ETV5: variants seen among roughly 807,000 people sequenced by gnomAD.
ETV5 encodes ETS translocation variant 5.
In ETV5, 10 loss-of-function variants were observed where a neutral mutation model predicts 70.0. That is an observed-to-expected ratio of 0.14 (90% CI 0.09 to 0.24). ETV5 has a LOEUF of 0.24. Ranked by LOEUF, ETV5 falls within the 10% of genes least tolerant of loss-of-function variation. The pLI, the probability that ETV5 is intolerant of heterozygous loss-of-function variation, is 1.00. For synonymous variants in ETV5, 216 were observed against 242.2 expected (o/e 0.89, Z 1.01); for missense variants, 453 against 651.2 (o/e 0.70, Z 3.31).
At chr3:186,079,079 C>G (rs1713867752) in intron 7 of ETV5, 2 of 1,064,808 alleles carry the variant, frequency 1.9e-6, no homozygotes, top group Non-Finnish European at 1.1e-6. Flanking sequence ...ACAACTACCC[C>G]CCTATCCCAG....
intron 12 of ETV5, among the ~76,000 whole-genome samples, chr3:186,050,537 C>G (rs973658901): frequency 6.6e-6 from 1 of 151,968 alleles, no homozygotes; most frequent in Non-Finnish European, 1.5e-5. Context: ...ATGGGTATGG[C>G]GTTTCTTTTT....
intron 5 of ETV5, among the ~76,000 whole-genome samples, chr3:186,089,467 GC>G (rs1714130690): frequency 6.6e-6 from 1 of 152,092 alleles, no homozygotes; most frequent in Admixed American, 6.5e-5. Context: ...CGTTTAATGA[GC>G]CCCCCAAAAG....
intron 9 of ETV5, among the ~76,000 whole-genome samples, chr3:186,062,871 G>A (rs1388334129): frequency 6.6e-6 from 1 of 152,098 alleles, no homozygotes; most frequent in East Asian, 1.9e-4. Context: ...GGTTATCTCT[G>A]GGCAGTGAGA....
chr3:186,080,504 G>C (rs2150149455), intron 6 of ETV5: 1 of 236,682 alleles, frequency 4.2e-6, no homozygotes, highest in South Asian at 1.8e-4. Context: ...TGTGTTGAAG[G>C]TCTGTTTGTG....
rs1385953049 is a variant in ETV5 at position 186,105,575 on chromosome 3, T to C, written c.133+50A>G. 6.2e-7 allele frequency: 1 copy of C among 1,612,058 alleles called. No individual in the cohort carries two copies. Among genetic ancestry groups the C allele is most frequent in the Non-Finnish European group, 8.5e-7 (1 of 1,178,062 alleles). On this transcript the variant is annotated intron_variant, in intron 3 of 12. Coordinates refer to ENST00000306376, the MANE Select transcript of ETV5 (RefSeq NM_004454.3). The surrounding 1 kb of genome is among the most constrained non-coding windows in gnomAD (Gnocchi z 4.5). The stretch of plus-strand genomic sequence containing the variant: ...AGACAGGGAAGAATCTACACGCTAC[T>C]GTCACTGGGAGCAGGGAAGCCACAA...
chr3:186,057,342 C>T lies in ETV5; in HGVS notation c.1039+81G>A. On this transcript the variant is annotated intron_variant, in intron 10 of 12. Transcript: ENST00000306376. This position sits in a 1 kb window ranked among gnomAD's most constrained non-coding sequence, Gnocchi z 4.9. ...TGTTCATGCTGATTTAATCACTGGA[C>T]TTGGGAAGAGAGTCATGGCTGAGGT... 1.2e-6 allele frequency: 2 copies of T among 1,606,040 alleles called. No individual in the cohort carries two copies. Among genetic ancestry groups the T allele is most frequent in the Non-Finnish European group, 1.7e-6 (2 of 1,173,134 alleles).
intron 8 of ETV5, among the ~76,000 whole-genome samples, chr3:186,065,444 T>C (rs966935602): frequency 6.6e-6 from 1 of 152,188 alleles, no homozygotes; most frequent in Non-Finnish European, 1.5e-5. Context: ...TTCCTCAGCA[T>C]TTCCCATAAC....
chr3:186,086,993 T>A (rs1393022358), intron 5 of ETV5, among the ~76,000 whole-genome samples: 2 of 151,600 alleles, frequency 1.3e-5, no homozygotes, highest in Non-Finnish European at 1.5e-5. Flanking sequence ...AGAAAAAAGA[T>A]GCCTACACTG....
chr3:186,049,233 T>C (rs1712962436), intron 12 of ETV5, among the ~76,000 whole-genome samples: 1 of 152,198 alleles, frequency 6.6e-6, no homozygotes, highest in Non-Finnish European at 1.5e-5. Flanking sequence ...TTTTAGTCAC[T>C]TCCAGAGTTT....
intron 7 of ETV5, among the ~76,000 whole-genome samples, chr3:186,071,364 A>G (rs556052962): frequency 2.6e-4 from 40 of 152,326 alleles, no homozygotes; most frequent in African/African-American, 9.6e-4. Context: ...AAGAAGACGG[A>G]AAATCGAGAA....
At position 186,046,852 on chromosome 3, in the gene ETV5, A is replaced by G. The variant is rs1712891899; in HGVS notation, c.*1787T>C. ...GAAAGAGTCCTTTGATTAGAGTACA[A>G]TGCTAATTAAGGCCCAATCTACAGG... On this transcript the variant is annotated 3_prime_UTR_variant, in exon 13 of 13. Coordinates refer to ENST00000306376, the MANE Select transcript of ETV5 (RefSeq NM_004454.3). 3 of 231,320 alleles carry G rather than the reference A, an allele frequency of 1.3e-5. No individual in the cohort carries two copies. The Admixed American group carries it at 1.7e-4, about 13-fold the overall frequency. The allele number at this position is 231,320 out of a possible 1,614,324, so 14.3% of individuals were successfully genotyped here. A position where few individuals can be genotyped will look rare whatever the true frequency, so the allele number is the denominator to read the frequency against.
intron 7 of ETV5, among the ~76,000 whole-genome samples, chr3:186,072,094 G>C (rs1713654921): frequency 6.6e-6 from 1 of 150,696 alleles, no homozygotes; most frequent in Non-Finnish European, 1.5e-5. Context: ...GCCTGTAGCA[G>C]TGGCTCAGGC....
At chr3:186,068,485 T>C (rs1208415095) in intron 7 of ETV5, among the ~76,000 whole-genome samples, 1 of 152,196 alleles carries the variant, frequency 6.6e-6, no homozygotes, top group Non-Finnish European at 1.5e-5. Context: ...GCACTGTTTT[T>C]TAACAAGATA....
At chr3:186,098,420 G>C (rs1182164240) in intron 5 of ETV5, among the ~76,000 whole-genome samples, 1 of 152,132 alleles carries the variant, frequency 6.6e-6, no homozygotes, top group Admixed American at 6.5e-5. Flanking sequence ...CTCCCCAGGG[G>C]AGGAGGGCTC....
At chr3:186,102,183 A>G (rs1279166734) in intron 5 of ETV5, among the ~76,000 whole-genome samples, 1 of 152,180 alleles carries the variant, frequency 6.6e-6, no homozygotes, top group Non-Finnish European at 1.5e-5. Flanking sequence ...AAAAAAAGCC[A>G]TAATCTTTAA....
rs1712902495 is a variant in ETV5 at position 186,047,271 on chromosome 3, C to CT, written c.*1367dup. 1 of 229,182 alleles carries CT rather than the reference C, an allele frequency of 4.4e-6. No homozygotes were observed. Among genetic ancestry groups the CT allele is most frequent in the Middle Eastern group, 1.3e-3 (1 of 764 alleles). 14.2% of individuals were successfully genotyped at this position (229,182 alleles called of 1,614,324 possible). A position where few individuals can be genotyped will look rare whatever the true frequency, so the allele number is the denominator to read the frequency against. ...TATAATACAGCAATGAGAATAATTT[C>CT]TTTTTAAAAAAAGGCAGGAATCTAG... On this transcript the variant is annotated 3_prime_UTR_variant, in exon 13 of 13. Transcript: ENST00000306376.
chr3:186,048,190 CTT>C lies in ETV5; in HGVS notation c.*447_*448del. 8.1e-6 allele frequency: 2 copies of C among 246,530 alleles called. No individual in the cohort carries two copies. Among genetic ancestry groups the C allele is most frequent in the Non-Finnish European group, 1.6e-5 (2 of 125,846 alleles). 15.3% of individuals were successfully genotyped at this position (246,530 alleles called of 1,614,324 possible). A position where few individuals can be genotyped will look rare whatever the true frequency, so the allele number is the denominator to read the frequency against. On this transcript the variant is annotated 3_prime_UTR_variant, in exon 13 of 13. Transcript: ENST00000306376. ...CCCTTAATGGTTTGAGCCTCCCCAA[CTT>C]AGCCTACTTACTTTTCTATGGGTTT...
intron 11 of ETV5, among the ~76,000 whole-genome samples, chr3:186,056,129 G>T (rs886934462): frequency 1.3e-5 from 2 of 152,216 alleles, no homozygotes; most frequent in African/African-American, 4.8e-5. Context: ...ATTCTAGGGT[G>T]TGTCTTCTCC....
intron 9 of ETV5, among the ~76,000 whole-genome samples, chr3:186,062,340 G>GT (rs1237718552): frequency 6.6e-6 from 1 of 152,174 alleles, no homozygotes; most frequent in African/African-American, 2.4e-5. Flanking sequence ...CTGAGTCTCG[G>GT]TTTCATTACC....
Sources: allele counts gnomAD v4.1 joint callset (sites outside exome capture counted in the v4.1 genomes callset), GRCh38; gene constraint gnomAD v4.1.1; non-coding constraint Gnocchi (gnomAD v3.1); transcripts MANE v1.5; gene names NCBI Gene and HGNC (gene_info 2026-07-23, HGNC 2026-07-21).